The following FAHD2A variants were observed in gnomAD, a reference collection of about 807,000 sequenced individuals.
The protein encoded by FAHD2A is fumarylacetoacetate hydrolase domain containing 2A.
In FAHD2A, 27 loss-of-function variants were observed where a neutral mutation model predicts 33.4. That is an observed-to-expected ratio of 0.81 (90% confidence interval 0.60 to 1.11). The LOEUF (loss-of-function observed/expected upper bound fraction) is 1.11, where lower values mean the gene tolerates loss of function less well. Ranked by LOEUF, FAHD2A falls within the 50% of genes most tolerant of loss-of-function variation. The pLI is 0.00. For missense variants in FAHD2A, 296 were observed against 395.0 expected, an observed-to-expected ratio of 0.75 and a Z score of 2.12; for synonymous variants, 130 against 153.3, an observed-to-expected ratio of 0.85 and a Z score of 1.12.
Position 95,405,627 on chromosome 2 carries a change from C to G in FAHD2A, c.69C>G (p.Pro23=). 6.2e-7 allele frequency: 1 copy of G among 1,614,180 alleles called. No individual in the cohort carries two copies. Among genetic ancestry groups the G allele is most frequent in the Non-Finnish European group, 8.5e-7 (1 of 1,180,018 alleles). The stretch of plus-strand genomic sequence containing the variant: ...AGGCTCAGAAGTGGCCCTTTCAACC[C>G]TCCAGAGACATGAGACTAGTGCAGT... ...LLQAQKWPFQ[P]SRDMRLVQFR... The change falls in exon 2 of 8, where the codon CCC becomes CCG. Residue 23 remains proline (P), a synonymous_variant. Transcript: ENST00000233379.
downstream of FAHD2A, among the ~76,000 whole-genome samples, chr2:95,416,808 T>C (rs1217644998): frequency 6.6e-6 from 1 of 152,208 alleles, no homozygotes; most frequent in African/African-American, 2.4e-5. Context: ...AACTAGGAGA[T>C]ACCCACACAA....
chr2:95,414,164 G>A lies in FAHD2A; in HGVS notation c.*1207G>A. 6.4e-7 allele frequency: 1 copy of A among 1,566,482 alleles called. No homozygotes were observed. Among genetic ancestry groups the A allele is most frequent in the Non-Finnish European group, 8.7e-7 (1 of 1,155,836 alleles). ...CTCTGCAGCCCGCCTTCCTAGAGTT[G>A]GGTTGTCACTGTCCGGCAGGGGGCA... On this transcript the variant is annotated 3_prime_UTR_variant, in exon 8 of 8. Coordinates refer to ENST00000233379, the MANE Select transcript of FAHD2A (RefSeq NM_016044.3).
chr2:95,406,854 C>G, intron 2 of FAHD2A, 87 bp from the exon 3 acceptor site: 2 of 1,472,530 alleles, frequency 1.4e-6, no homozygotes. Context: ...AAAGCAAAAC[C>G]TGTAGCTGCT....
chr2:95,413,532 C>T lies in FAHD2A; in HGVS notation c.*575C>T. The T allele has an allele frequency of 1.2e-6, 2 of 1,602,128 alleles. No individual in the cohort carries two copies. Among genetic ancestry groups the T allele is most frequent in the Non-Finnish European group, 1.7e-6 (2 of 1,175,044 alleles). On this transcript the variant is annotated 3_prime_UTR_variant, in exon 8 of 8. Transcript: ENST00000233379. ...TGGCAAAAGTAGGGGACAGGTGGAG[C>T]CTGGGGCCTGCAGGGCTCGGCGTCT...
intron 1 of FAHD2A, chr2:95,405,276 G>T: frequency 2.4e-6 from 1 of 408,490 alleles, no homozygotes; most frequent in Non-Finnish European, 4.4e-6. Context: ...AATACCTACA[G>T]CAGAGCCAAG....
rs1369685223 is a variant in FAHD2A at position 95,412,415 on chromosome 2, T to G, written c.686-19T>G. On this transcript the variant is annotated intron_variant, in intron 5 of 7. Coordinates refer to ENST00000233379, the MANE Select transcript of FAHD2A (RefSeq NM_016044.3). ...AGGGGGAAAAGGGATAACTCCAAGG[T>G]ACCATCTTTGCATTTCAGATCCACA... 6.2e-7 allele frequency: 1 copy of G among 1,613,416 alleles called. No homozygotes were observed. The highest frequency in any genetic ancestry group is 8.5e-7 in the Non-Finnish European group (1 of 1,179,802).
intron 3 of FAHD2A, among the ~76,000 whole-genome samples, chr2:95,409,114 G>T (rs929921553): frequency 3.9e-5 from 6 of 152,214 alleles, no homozygotes; most frequent in African/African-American, 1.4e-4. Flanking sequence ...GCTCATGTCA[G>T]TGGTCCCAGA....
rs1682824827 is a variant in FAHD2A, at chr2:95,413,273, G to C, written c.*316G>C. On this transcript the variant is annotated 3_prime_UTR_variant, in exon 8 of 8. Transcript: ENST00000233379. ...CTGGGCTGGGGAAAAGACAATTCGT[G>C]TCGTCCCCTTGTTTATCACATCAAA... 9 of 1,353,550 alleles carry C rather than the reference G, an allele frequency of 6.6e-6. No homozygotes were observed. Among genetic ancestry groups the C allele is most frequent in the African/African-American group, 1.5e-5 (1 of 67,890 alleles). The allele number at this position is 1,353,550 out of a possible 1,614,324, so 83.8% of individuals were successfully genotyped here.
chr2:95,419,291 TTAATAAAGAGAA>T (rs1190032037), downstream of FAHD2A, among the ~76,000 whole-genome samples: 3 of 152,008 alleles, frequency 2.0e-5, no homozygotes, highest in Non-Finnish European at 1.5e-5. Context: ...TTAAATGCTT[TTAATAAAGAGAA>T]TGTTTGCTTT....
At chr2:95,420,818 A>G (rs1683303883), downstream of FAHD2A, among the ~76,000 whole-genome samples, 1 of 152,072 alleles carries the variant, frequency 6.6e-6, no homozygotes, top group South Asian at 2.1e-4. Context: ...AGGACCTGCA[A>G]TATGTTTTTA....
Position 95,413,130 on chromosome 2 carries a change from C to G in FAHD2A, c.*173C>G. The stretch of plus-strand genomic sequence containing the variant: ...CAATAAATTCGTCAGGTCAAAGCAG[C>G]AGCTTTGCTTCTGCTGTTTGTCTTC... On this transcript the variant is annotated 3_prime_UTR_variant, in exon 8 of 8. Coordinates refer to ENST00000233379, the MANE Select transcript of FAHD2A (RefSeq NM_016044.3). The G allele has an allele frequency of 1.7e-6, 2 of 1,145,092 alleles. No homozygotes were observed. Among genetic ancestry groups the G allele is most frequent in the Non-Finnish European group, 2.4e-6 (2 of 817,120 alleles). 70.9% of individuals were successfully genotyped at this position (1,145,092 alleles called of 1,614,324 possible).
chr2:95,407,303 G>C, intron 3 of FAHD2A, 146 bp downstream of exon 3: 1 of 1,220,704 alleles, frequency 8.2e-7, no homozygotes, highest in South Asian at 1.6e-5. Flanking sequence ...TAGTAACACT[G>C]GCCTTGGAAA....
intron 1 of FAHD2A, 142 bp from the exon 2 acceptor site, chr2:95,405,411 C>T (rs1477467286): frequency 1.2e-5 from 15 of 1,288,490 alleles, no homozygotes; most frequent in Non-Finnish European, 1.5e-5. Context: ...AGGTAAAATA[C>T]AAGCCTGGAC....
At chr2:95,404,637 A>G (rs1467371746) in intron 1 of FAHD2A, among the ~76,000 whole-genome samples, 2 of 152,204 alleles carry the variant, frequency 1.3e-5, no homozygotes, top group African/African-American at 4.8e-5. Flanking sequence ...GTTAACAAGC[A>G]CTAAGCTTTC....
Position 95,410,951 on chromosome 2 carries a change from CAA to C in FAHD2A, c.611_612del (p.Gln204LeufsTer94). On this transcript the variant is annotated frameshift_variant, in exon 5 of 8. Coordinates refer to ENST00000233379, the MANE Select transcript of FAHD2A (RefSeq NM_016044.3). LOFTEE classifies it high-confidence loss of function. ...RDWQMRRNGK[Q>X]WLLGKTFDTF... is the part of the protein sequence containing the mutation. ...CTGGCAAATGAGACGTAATGGGAAACAATGGCTGCTGGGAAAAACCTTCGACA... is the reference window on the plus strand; with the variant it reads ...CTGGCAAATGAGACGTAATGGGAAACTGGCTGCTGGGAAAAACCTTCGACA... The C allele has an allele frequency of 6.2e-7, 1 of 1,614,002 alleles. No homozygotes were observed. The highest frequency in any genetic ancestry group is 8.5e-7 in the Non-Finnish European group (1 of 1,179,866).
chr2:95,415,659 C>G lies in FAHD2A; in HGVS notation c.*2702C>G, dbSNP rs1683084591. 1 of 152,636 alleles carries G rather than the reference C, an allele frequency of 6.6e-6. No individual in the cohort carries two copies. The highest frequency in any genetic ancestry group is 1.9e-4 in the East Asian group (1 of 5,184). 9.5% of individuals were successfully genotyped at this position (152,636 alleles called of 1,614,324 possible). ...GTCCTCACTCTCTTGCCCAGGTAAGCTGGGGAAGAGCCTGCTGCCGCCCAG... is the reference window on the plus strand; with the variant it reads ...GTCCTCACTCTCTTGCCCAGGTAAGGTGGGGAAGAGCCTGCTGCCGCCCAG... On this transcript the variant is annotated 3_prime_UTR_variant, in exon 8 of 8. Coordinates refer to ENST00000233379, the MANE Select transcript of FAHD2A (RefSeq NM_016044.3).
chr2:95,410,646 C>T (rs1196160070), intron 4 of FAHD2A, 60 bp downstream of exon 4: 33 of 1,598,088 alleles, frequency 2.1e-5, no homozygotes, highest in Non-Finnish European at 2.7e-5. Flanking sequence ...GCTCCTGCCT[C>T]TCCTAGTTCT....
At chr2:95,407,873 C>G (rs1681862777) in intron 3 of FAHD2A, among the ~76,000 whole-genome samples, 1 of 152,136 alleles carries the variant, frequency 6.6e-6, no homozygotes, top group Non-Finnish European at 1.5e-5. Context: ...TACTTTTTCT[C>G]TCAGATTTTT....
chr2:95,415,594 A>T lies in FAHD2A; in HGVS notation c.*2637A>T, dbSNP rs3866292. 1.6e-4 allele frequency: 24 copies of T among 152,636 alleles called. No homozygotes were observed. Among genetic ancestry groups the T allele is most frequent in the Non-Finnish European group, 2.8e-4 (19 of 68,048 alleles). The allele number at this position is 152,636 out of a possible 1,614,324, so 9.5% of individuals were successfully genotyped here. A position where few individuals can be genotyped will look rare whatever the true frequency, so the allele number is the denominator to read the frequency against. On this transcript the variant is annotated 3_prime_UTR_variant, in exon 8 of 8. Coordinates refer to ENST00000233379, the MANE Select transcript of FAHD2A (RefSeq NM_016044.3). ...GCTGTTTATCTTCTGCCTGTCAGGC[A>T]GGCGGCAACACTCTCCATGTATCAC...
Sources: gnomAD v4.1 joint callset for allele counts (sites outside exome capture counted in the v4.1 genomes callset) on GRCh38, gnomAD v4.1.1 for gene constraint, MANE v1.5 for transcripts, NCBI Gene and HGNC (gene_info 2026-07-23, HGNC 2026-07-21) for gene names.